HPSE2: variants seen among roughly 807,000 people sequenced by gnomAD.
The protein encoded by HPSE2 is heparanase 2 (inactive).
A neutral mutation model predicts 60.5 loss-of-function variants in HPSE2; 38 were observed. That is an observed-to-expected ratio of 0.63 (90% CI 0.48 to 0.82). The LOEUF (loss-of-function observed/expected upper bound fraction) is 0.82. Among genes scored for constraint, HPSE2 ranks in the 40% least tolerant of loss-of-function variants. The probability of loss-of-function intolerance (pLI) is 0.00; values close to 1 mark genes in which losing one functional copy is unlikely to be tolerated. For missense variants in HPSE2, 713 were observed against 740.4 expected (o/e 0.96, Z 0.43); for synonymous variants, 295 against 293.2 (o/e 1.01, Z -0.06).
intron 3 of HPSE2, among the ~76,000 whole-genome samples, chr10:98,770,023 C>T (rs1404884439): frequency 6.6e-6 from 1 of 152,150 alleles, no homozygotes. Flanking sequence ...AATCCCTTTG[C>T]CCAAACCACT....
intron 3 of HPSE2, among the ~76,000 whole-genome samples, chr10:98,954,390 C>A (rs1955451752): frequency 6.6e-6 from 1 of 152,148 alleles, no homozygotes; most frequent in Non-Finnish European, 1.5e-5. Context: ...TCCTAAAAAT[C>A]CTCATTCCCT....
intron 2 of HPSE2, among the ~76,000 whole-genome samples, chr10:99,228,682 G>A (rs1232505548): frequency 1.3e-5 from 2 of 152,168 alleles, no homozygotes; most frequent in East Asian, 1.9e-4. Flanking sequence ...ATAATTCAAG[G>A]TGCCTAAGCA....
At chr10:99,084,500 T>C (rs1333938549) in intron 3 of HPSE2, among the ~76,000 whole-genome samples, 1 of 152,174 alleles carries the variant, frequency 6.6e-6, no homozygotes, top group Non-Finnish European at 1.5e-5. Context: ...GTATGGGTTT[T>C]CTTTTCCTTA....
intron 3 of HPSE2, among the ~76,000 whole-genome samples, chr10:99,068,317 G>A (rs1842678302): frequency 6.6e-6 from 1 of 152,134 alleles, no homozygotes; most frequent in African/African-American, 2.4e-5. Flanking sequence ...TTCTCATGTT[G>A]CTAATAAAGA....
rs777874115 is a variant in HPSE2 at position 98,498,636 on chromosome 10, C to T, written c.1321-8440G>A. Among the ~76,000 whole-genome samples, 56 of 152,108 alleles carry T rather than the reference C, an allele frequency of 3.7e-4. 1 individual carries two copies. Among genetic ancestry groups the T allele is most frequent in the South Asian group, 6.2e-4 (3 of 4,814 alleles). On this transcript the variant is annotated intron_variant, in intron 9 of 11. Coordinates refer to ENST00000370552, the MANE Select transcript of HPSE2 (RefSeq NM_021828.5). Reference sequence around the variant, plus strand: ...CACACTGGTTCACCAGCAATGGATCCAAACCAAGAAGAAATCCCTGATTTA... The same window carrying T: ...CACACTGGTTCACCAGCAATGGATCTAAACCAAGAAGAAATCCCTGATTTA...
the HPSE2 span, among the ~76,000 whole-genome samples, chr10:99,297,051 TC>T: frequency 6.6e-6 from 1 of 152,082 alleles, no homozygotes; most frequent in African/African-American, 2.4e-5. Context: ...AGCTACATTT[TC>T]CCCGGCAAGC....
At chr10:98,666,178 A>G (rs1441415370) in intron 6 of HPSE2, among the ~76,000 whole-genome samples, 2 of 152,238 alleles carry the variant, frequency 1.3e-5, no homozygotes, top group African/African-American at 4.8e-5. Flanking sequence ...ATCAGAAAGG[A>G]CAAAAAGGAG....
chr10:99,277,361 A>G, the HPSE2 span, among the ~76,000 whole-genome samples: 1 of 152,250 alleles, frequency 6.6e-6, no homozygotes, highest in Non-Finnish European at 1.5e-5. Context: ...CAGCAGAGTT[A>G]GAACCAACAA....
In HPSE2 at chr10:98,695,462, T is replaced by C. The variant is rs573956221; in HGVS notation, c.957-1515A>G. On this transcript the variant is annotated intron_variant, in intron 5 of 11. Coordinates refer to ENST00000370552, the MANE Select transcript of HPSE2 (RefSeq NM_021828.5). ...GCAGGGCCAAAATGTCAACGTGGGCTGGAGGGAATGTAACATTTACTACGT... is the reference window on the plus strand; with the variant it reads ...GCAGGGCCAAAATGTCAACGTGGGCCGGAGGGAATGTAACATTTACTACGT... Among the ~76,000 whole-genome samples the C allele has an allele frequency of 1.4e-4, 22 of 152,334 alleles. No individual in the cohort carries two copies. In the South Asian group the frequency reaches 3.9e-3, roughly 27 times the overall value.
intron 2 of HPSE2, among the ~76,000 whole-genome samples, chr10:99,175,831 C>T (rs1026426662): frequency 6.6e-6 from 1 of 152,188 alleles, no homozygotes; most frequent in Non-Finnish European, 1.5e-5. Flanking sequence ...GACTGGGAGA[C>T]ACCTTTCAGC....
Position 98,681,700 on chromosome 10 carries a change from A to G in HPSE2, c.1004+12200T>C, listed in dbSNP as rs533939051. On this transcript the variant is annotated intron_variant, in intron 6 of 11. Transcript: ENST00000370552. ...TTTCTTCATATTCTTAAACCAACCA[A>G]AATGACACATTTCTACAGAATGCAA... Among the ~76,000 whole-genome samples the G allele has an allele frequency of 6.8e-4, 104 of 152,304 alleles. 1 individual carries two copies. Among genetic ancestry groups the G allele is most frequent in the African/African-American group, 2.4e-3 (98 of 41,582 alleles).
chr10:98,641,706 A>AC, intron 7 of HPSE2, 141 bp downstream of exon 7: 1 of 751,316 alleles, frequency 1.3e-6, no homozygotes. Context: ...GGAGCTTGTG[A>AC]CCATGCCCAT....
chr10:99,242,134 G>A, the HPSE2 span, among the ~76,000 whole-genome samples: 133,375 of 152,210 alleles, frequency 0.88, 58,635 homozygotes, highest in African/African-American at 0.94. Context: ...ATGTTATTTT[G>A]CCATCAAGGA....
intron 9 of HPSE2, among the ~76,000 whole-genome samples, chr10:98,605,480 C>A (rs1945553044): frequency 6.6e-6 from 1 of 152,118 alleles, no homozygotes; most frequent in Admixed American, 6.6e-5. Flanking sequence ...TGTAAAGATA[C>A]TAAAAAACGG....
At chr10:98,897,306 A>C (rs1953521946) in intron 3 of HPSE2, among the ~76,000 whole-genome samples, 1 of 152,132 alleles carries the variant, frequency 6.6e-6, no homozygotes, top group Admixed American at 6.6e-5. Flanking sequence ...TGTAACCAAA[A>C]ACCAACTGTT....
At chr10:98,500,679 G>A (rs1942000842) in intron 9 of HPSE2, among the ~76,000 whole-genome samples, 2 of 151,980 alleles carry the variant, frequency 1.3e-5, no homozygotes, top group Non-Finnish European at 2.9e-5. Context: ...CAAGATCAGA[G>A]CAGAGCTAAA....
intron 3 of HPSE2, among the ~76,000 whole-genome samples, chr10:99,074,618 T>A (rs1348748710): frequency 1.3e-5 from 2 of 152,158 alleles, no homozygotes; most frequent in African/African-American, 2.4e-5. Context: ...TGGACGAGTT[T>A]GAGAAGGATC....
chr10:98,684,400 A>T (rs1449182358), intron 6 of HPSE2, among the ~76,000 whole-genome samples: 1 of 152,120 alleles, frequency 6.6e-6, no homozygotes, highest in African/African-American at 2.4e-5. Context: ...ATAGATTAAT[A>T]GGAAGCTAAG....
chr10:99,116,017 A>G (rs944662557), intron 3 of HPSE2, among the ~76,000 whole-genome samples: 1 of 152,176 alleles, frequency 6.6e-6, no homozygotes, highest in Non-Finnish European at 1.5e-5. Context: ...TTTTAGGGTA[A>G]TCAGAAAGAA....
Sources: gnomAD v4.1 joint callset for allele counts (sites outside exome capture counted in the v4.1 genomes callset) on GRCh38, gnomAD v4.1.1 for gene constraint, MANE v1.5 for transcripts, NCBI Gene and HGNC (gene_info 2026-07-23, HGNC 2026-07-21) for gene names.